The following RANBP2 variants were observed in gnomAD, a reference collection of about 807,000 sequenced individuals.
The protein encoded by RANBP2 is RAN binding protein 2, also known as E3 SUMO-protein ligase RanBP2.
A neutral mutation model predicts 303.6 loss-of-function variants in RANBP2; 57 were observed. That is an observed-to-expected ratio of 0.19 (90% CI 0.15 to 0.23). RANBP2 has a LOEUF of 0.23. Among genes scored for constraint, RANBP2 ranks in the 10% least tolerant of loss-of-function variants. RANBP2 has a pLI of 1.00. For missense variants in RANBP2, 3,138 were observed against 3,780.8 expected (o/e 0.83, Z 4.46); for synonymous variants, 1,167 against 1,301.5 (o/e 0.90, Z 2.23).
chr2:108,786,581 G>T (rs192014317), downstream of RANBP2, among the ~76,000 whole-genome samples: 1 of 152,112 alleles, frequency 6.6e-6, no homozygotes, highest in Non-Finnish European at 1.5e-5. Context: ...GCCGGGGCAG[G>T]ACTATCGCGG....
At chr2:109,340,448 C>T in the RANBP2 span, among the ~76,000 whole-genome samples, 3 of 152,178 alleles carry the variant, frequency 2.0e-5, no homozygotes, top group Non-Finnish European at 4.4e-5. Flanking sequence ...GGTTTACACC[C>T]AAGGACCATG....
At chr2:108,839,737 A>G in the RANBP2 span, among the ~76,000 whole-genome samples, 3 of 151,914 alleles carry the variant, frequency 2.0e-5, no homozygotes, top group Non-Finnish European at 4.4e-5. Context: ...TGTGACCCTG[A>G]GCTTACTAGT....
At chr2:108,904,133 G>A in the RANBP2 span, among the ~76,000 whole-genome samples, 3 of 151,754 alleles carry the variant, frequency 2.0e-5, no homozygotes, top group East Asian at 3.9e-4. Flanking sequence ...AAAATCATAC[G>A]ATACCATTGA....
the RANBP2 span, among the ~76,000 whole-genome samples, chr2:108,994,017 T>C: frequency 6.6e-6 from 1 of 152,170 alleles, no homozygotes; most frequent in East Asian, 1.9e-4. Context: ...CTAGCCTCCA[T>C]GACCTAATCA....
chr2:109,724,922 G>C, the RANBP2 span, among the ~76,000 whole-genome samples: 1 of 152,324 alleles, frequency 6.6e-6, no homozygotes, highest in South Asian at 2.1e-4. Flanking sequence ...TCTTGGACTA[G>C]GGTAAGCGAA....
chr2:108,747,274 G>A (rs1189096965), intron 8 of RANBP2, among the ~76,000 whole-genome samples: 5 of 152,146 alleles, frequency 3.3e-5, no homozygotes, highest in Non-Finnish European at 5.9e-5. Flanking sequence ...TTTTTGGCTT[G>A]GGATAAATCC....
the RANBP2 span, among the ~76,000 whole-genome samples, chr2:108,914,276 AAAAAT>A: frequency 6.6e-6 from 1 of 151,986 alleles, no homozygotes; most frequent in Non-Finnish European, 1.5e-5. Context: ...AAAATAAAAT[AAAAAT>A]AAAATAAAAA....
At chr2:109,498,004 C>T in the RANBP2 span, among the ~76,000 whole-genome samples, 10 of 152,126 alleles carry the variant, frequency 6.6e-5, no homozygotes, top group Non-Finnish European at 1.0e-4. Context: ...TGTGGGCCCT[C>T]GCAGCCTCAG....
the RANBP2 span, among the ~76,000 whole-genome samples, chr2:109,226,935 G>A: frequency 6.6e-6 from 1 of 152,188 alleles, no homozygotes; most frequent in African/African-American, 2.4e-5. Flanking sequence ...TGAGGTAGAT[G>A]CATCCACCAT....
the RANBP2 span, among the ~76,000 whole-genome samples, chr2:109,208,268 A>C: frequency 7.2e-5 from 11 of 152,218 alleles, no homozygotes; most frequent in African/African-American, 2.7e-4. Context: ...AGAATTGCAG[A>C]TCCACAGACA....
At chr2:109,641,994 C>CG in the RANBP2 span, among the ~76,000 whole-genome samples, 1 of 152,042 alleles carries the variant, frequency 6.6e-6, no homozygotes, top group Non-Finnish European at 1.5e-5. Context: ...TTAGTAGAGA[C>CG]GGGGTTTCAT....
chr2:109,628,756 T>C, the RANBP2 span, among the ~76,000 whole-genome samples: 2 of 152,196 alleles, frequency 1.3e-5, no homozygotes, highest in African/African-American at 4.8e-5. Flanking sequence ...GACATGGTAC[T>C]TTTTCAAAGC....
the RANBP2 span, among the ~76,000 whole-genome samples, chr2:109,249,532 TTTCCTTCCTTCCTTCCTTCC>T: frequency 6.3e-3 from 611 of 96,420 alleles, 6 homozygotes; most frequent in Non-Finnish European, 9.0e-3. Context: ...TCTTTCTTTC[TTTCCTTCCTTCCTTCCTTCC>T]TTCCTTCCTT....
In RANBP2 at chr2:108,763,549, A is replaced by G. The variant is rs1264589423; in HGVS notation, c.3010A>G (p.Thr1004Ala). The G allele has an allele frequency of 1.9e-6, 3 of 1,614,020 alleles. No individual in the cohort carries two copies. Among genetic ancestry groups the G allele is most frequent in the Non-Finnish European group, 2.5e-6 (3 of 1,180,008 alleles). Residue 1004 changes from threonine (T) to alanine (A), a missense_variant, in exon 20 of 29, where the codon ACT (threonine) becomes GCT (alanine). Transcript: ENST00000283195. ...AESKTIEFGK[T>A]NFVQPMPGEG... ...ATCTAAGACTATAGAATTTGGGAAA[A>G]CTAATTTTGTTCAGCCCATGCCGGG...
At chr2:109,015,279 G>A in the RANBP2 span, among the ~76,000 whole-genome samples, 33 of 151,668 alleles carry the variant, frequency 2.2e-4, no homozygotes, top group South Asian at 4.2e-4. Flanking sequence ...CCTTCTCTGC[G>A]ACCCAAGACA....
At chr2:109,268,426 C>T in the RANBP2 span, among the ~76,000 whole-genome samples, 158 of 152,176 alleles carry the variant, frequency 1.0e-3, no homozygotes, top group African/African-American at 3.6e-3. Flanking sequence ...TCTGTCCTCT[C>T]CCATCCTGTC....
the RANBP2 span, among the ~76,000 whole-genome samples, chr2:109,603,831 C>T: frequency 2.0e-5 from 3 of 151,984 alleles, no homozygotes; most frequent in African/African-American, 4.8e-5. Context: ...GTCAGCAGTT[C>T]GATACCAGCC....
chr2:109,598,982 A>C, the RANBP2 span, among the ~76,000 whole-genome samples: 5 of 152,186 alleles, frequency 3.3e-5, no homozygotes, highest in African/African-American at 1.2e-4. Context: ...AAGATTCCAC[A>C]GACTCATTAT....
the RANBP2 span, among the ~76,000 whole-genome samples, chr2:109,423,203 G>T: frequency 1.3e-5 from 2 of 152,096 alleles, no homozygotes; most frequent in Admixed American, 1.3e-4. Context: ...ATGGGGGGTT[G>T]GCCTGCAACA....
Sources: allele counts gnomAD v4.1 joint callset (sites outside exome capture counted in the v4.1 genomes callset), GRCh38; gene constraint gnomAD v4.1.1; transcripts MANE v1.5; gene names NCBI Gene and HGNC (gene_info 2026-07-23, HGNC 2026-07-21).